ACYP2: variants seen among roughly 807,000 people sequenced by gnomAD.
ACYP2 encodes the protein acylphosphatase-2.
Under a neutral mutation model 11.2 loss-of-function variants are expected in ACYP2, and 12 were observed. That is an observed-to-expected ratio of 1.08 (90% CI 0.69 to 1.74). The LOEUF (loss-of-function observed/expected upper bound fraction) is 1.74. ACYP2 is among the 40% of genes most tolerant of loss of function. The probability of loss-of-function intolerance (pLI) is 0.00; values close to 1 mark genes in which losing one functional copy is unlikely to be tolerated. For missense variants in ACYP2, 134 were observed against 101.9 expected (o/e 1.31, Z -1.35); for synonymous variants, 43 against 32.2 (o/e 1.33, Z -1.13).
At chr2:54,009,465 T>C (rs1673248828) in intron 2 of ACYP2, among the ~76,000 whole-genome samples, 1 of 151,912 alleles carries the variant, frequency 6.6e-6, no homozygotes, top group South Asian at 2.1e-4. Flanking sequence ...TCCCAGCTAC[T>C]TGGGAGGCTG....
At chr2:54,018,857 C>G (rs138803421) in intron 2 of ACYP2, among the ~76,000 whole-genome samples, 27 of 152,106 alleles carry the variant, frequency 1.8e-4, no homozygotes, top group African/African-American at 4.3e-4. Context: ...AAGTGATTCT[C>G]CTGCCTCAGC....
At chr2:54,281,663 G>C (rs1688855308) in intron 6 of ACYP2, among the ~76,000 whole-genome samples, 1 of 152,128 alleles carries the variant, frequency 6.6e-6, no homozygotes, top group African/African-American at 2.4e-5. Flanking sequence ...AAATTAAAAA[G>C]CCAAAATCAA....
At chr2:54,117,491 C>G (rs1220282799) in intron 4 of ACYP2, among the ~76,000 whole-genome samples, 2 of 152,092 alleles carry the variant, frequency 1.3e-5, no homozygotes, top group Admixed American at 6.5e-5. Flanking sequence ...GAGAAAGGGT[C>G]TCTGTTGCCC....
chr2:54,151,449 T>G (rs1456032820), intron 6 of ACYP2, among the ~76,000 whole-genome samples: 6 of 152,246 alleles, frequency 3.9e-5, no homozygotes, highest in Non-Finnish European at 8.8e-5. Context: ...ATTTTTATAC[T>G]TTATTCATCA....
chr2:54,288,115 T>TA (rs1293022005), intron 6 of ACYP2, among the ~76,000 whole-genome samples: 1 of 151,930 alleles, frequency 6.6e-6, no homozygotes, highest in African/African-American at 2.4e-5. Flanking sequence ...CCAGGGAAAA[T>TA]ATCAGACCTG....
intron 4 of ACYP2, among the ~76,000 whole-genome samples, chr2:54,103,691 C>G (rs974631142): frequency 6.6e-6 from 1 of 152,084 alleles, no homozygotes; most frequent in South Asian, 2.1e-4. Context: ...ATGTTTATGA[C>G]TATGAAATAT....
At chr2:54,082,314 C>G (rs1250502479) in intron 4 of ACYP2, among the ~76,000 whole-genome samples, 2 of 150,348 alleles carry the variant, frequency 1.3e-5, no homozygotes, top group Admixed American at 6.6e-5. Flanking sequence ...GGTGTGGTCT[C>G]GGCTCACTGC....
At chr2:54,172,790 T>C (rs1572888007) in intron 6 of ACYP2, among the ~76,000 whole-genome samples, 1 of 152,166 alleles carries the variant, frequency 6.6e-6, no homozygotes, top group South Asian at 2.1e-4. Context: ...AGTGAGAACA[T>C]GTGGTGTTTG....
At position 54,195,662 on chromosome 2, in the gene ACYP2, T is replaced by A. The variant is rs551183177; in HGVS notation, c.404+56914T>A. ...GCAAAAAAAAAAAAACAAAACACTG[T>A]ACTAACTGGGTCAATTGTCTTTAAA... is the stretch of plus-strand genomic sequence containing the variant. On this transcript the variant is annotated intron_variant, in intron 6 of 6. Transcript: ENST00000607452. Among the ~76,000 whole-genome samples the A allele has an allele frequency of 4.4e-4, 66 of 150,652 alleles. 1 individual carries two copies. Among genetic ancestry groups the A allele is most frequent in the African/African-American group, 1.6e-3 (65 of 41,150 alleles).
intron 6 of ACYP2, chr2:54,255,568 G>A: frequency 8.5e-7 from 1 of 1,179,574 alleles, no homozygotes; most frequent in South Asian, 1.5e-5. Context: ...CACGTTCAGG[G>A]GCCCGGGCCC....
chr2:54,125,367 T>C (rs1328855970), intron 4 of ACYP2, among the ~76,000 whole-genome samples: 1 of 152,158 alleles, frequency 6.6e-6, no homozygotes, highest in Non-Finnish European at 1.5e-5. Context: ...TCAAAATCCT[T>C]AAAGTCTAAA....
chr2:54,203,650 G>GT (rs1453376414), intron 6 of ACYP2, among the ~76,000 whole-genome samples: 1 of 152,080 alleles, frequency 6.6e-6, no homozygotes, highest in Non-Finnish European at 1.5e-5. Context: ...TTGTTGAGTG[G>GT]TTTTTCTCAT....
chr2:54,077,281 CTTTG>C (rs990814119), intron 4 of ACYP2, among the ~76,000 whole-genome samples: 28 of 152,284 alleles, frequency 1.8e-4, no homozygotes, highest in African/African-American at 6.5e-4. Flanking sequence ...AGCAAAAGAC[CTTTG>C]TTTGTGACTC....
At chr2:54,280,744 G>T (rs911819405) in intron 6 of ACYP2, among the ~76,000 whole-genome samples, 1 of 152,168 alleles carries the variant, frequency 6.6e-6, no homozygotes, top group African/African-American at 2.4e-5. Flanking sequence ...GAGTTGTCTT[G>T]GAAGCCTGAT....
Position 54,051,044 on chromosome 2 carries a change from A to T in ACYP2, c.149A>T (p.Asp50Val). 1 of 489,930 alleles carries T rather than the reference A, an allele frequency of 2.0e-6. No homozygotes were observed. Among genetic ancestry groups the T allele is most frequent in the Non-Finnish European group, 3.6e-6 (1 of 280,242 alleles). The allele number at this position is 489,930 out of a possible 1,614,324, so 30.3% of individuals were successfully genotyped here. The stretch of plus-strand genomic sequence containing the variant: ...TGCCTCGGCCTCCCATGCTGTTGGG[A>T]TTACAGGTGAGAACCACCGTCCTTG... Residue 50 changes from aspartate to valine, a missense_variant, in exon 3 of 7, where the codon GAT (aspartate) becomes GTT (valine). Transcript: ENST00000607452.
intron 6 of ACYP2, among the ~76,000 whole-genome samples, chr2:54,266,763 G>A (rs558979167): frequency 5.7e-4 from 87 of 151,334 alleles, no homozygotes; most frequent in Middle Eastern, 3.4e-3. Context: ...CCACCACCAC[G>A]CCTGGCTAAT....
intron 2 of ACYP2, among the ~76,000 whole-genome samples, chr2:54,045,952 C>A (rs570975455): frequency 6.6e-6 from 1 of 152,166 alleles, no homozygotes; most frequent in South Asian, 2.1e-4. Flanking sequence ...GGGTAGATTG[C>A]TTCAGCTCAG....
chr2:53,991,094 T>C (rs1370500166), intron 2 of ACYP2, among the ~76,000 whole-genome samples: 2 of 152,054 alleles, frequency 1.3e-5, no homozygotes, highest in Non-Finnish European at 2.9e-5. Flanking sequence ...CCGTGCCCTG[T>C]CGAGAATTTG....
intron 6 of ACYP2, among the ~76,000 whole-genome samples, chr2:54,195,602 C>G (rs972702229): frequency 6.7e-6 from 1 of 149,116 alleles, no homozygotes; most frequent in African/African-American, 2.5e-5. Flanking sequence ...CTATCACATC[C>G]GCAGCCACGT....
Sources: gnomAD v4.1 joint callset for allele counts (sites outside exome capture counted in the v4.1 genomes callset) on GRCh38, gnomAD v4.1.1 for gene constraint, MANE v1.5 for transcripts, NCBI Gene and HGNC (gene_info 2026-07-23, HGNC 2026-07-21) for gene names.